Variants in RNASEH2B observed in about 807,000 individuals in gnomAD.
RNASEH2B encodes the protein ribonuclease H2 subunit B, also known as Aicardi-Goutieres syndrome 2 protein.
A neutral mutation model predicts 45.0 loss-of-function variants in RNASEH2B; 36 were observed. The ratio of observed to expected loss-of-function variants is 0.80; its 90% CI spans 0.61 to 1.06. The LOEUF (loss-of-function observed/expected upper bound fraction) is 1.06. Ranked by LOEUF, RNASEH2B falls within the 50% of genes least tolerant of loss-of-function variation. The pLI is 0.00. For synonymous variants in RNASEH2B, 119 were observed against 125.7 expected (o/e 0.95, Z 0.35); for missense variants, 361 against 360.3 (o/e 1.00, Z -0.02).
At chr13:50,951,060 G>A (rs1325664831) in intron 9 of RNASEH2B, 1 of 152,198 alleles carries the variant, frequency 6.6e-6, no homozygotes, top group Non-Finnish European at 1.5e-5. Context: ...ATTTATAAAA[G>A]CAGGCAGCCA....
chr13:50,919,212 G>C (rs1951485778), intron 1 of RNASEH2B, among the ~76,000 whole-genome samples: 1 of 152,206 alleles, frequency 6.6e-6, no homozygotes. Flanking sequence ...TGAAAAACCT[G>C]CTGATAAATA....
Position 50,956,694 on chromosome 13 carries a change from A to T in RNASEH2B, c.*220A>T. On this transcript the variant is annotated 3_prime_UTR_variant, in exon 11 of 11. Transcript: ENST00000336617. ...TTTGGAGTCTCATCTGACATAATGAAAAGTAATCACTTGAAGAGAATTAAC... is the reference window on the plus strand; with the variant it reads ...TTTGGAGTCTCATCTGACATAATGATAAGTAATCACTTGAAGAGAATTAAC... The T allele has an allele frequency of 2.3e-6, 3 of 1,286,108 alleles. No individual in the cohort carries two copies. Among genetic ancestry groups the T allele is most frequent in the Non-Finnish European group, 3.0e-6 (3 of 1,006,806 alleles). The allele number at this position is 1,286,108 out of a possible 1,614,324, so 79.7% of individuals were successfully genotyped here.
exon 10 of RNASEH2B, chr13:50,969,935 G>A: frequency 1.3e-6 from 2 of 1,551,594 alleles, no homozygotes; most frequent in Non-Finnish European, 1.7e-6. Context: ...TCTCTAGATG[G>A]CAGCACAAAG....
chr13:50,935,154 C>A, intron 5 of RNASEH2B, 155 bp downstream of exon 5: 1 of 657,594 alleles, frequency 1.5e-6, no homozygotes, highest in Admixed American at 2.2e-5. Flanking sequence ...CACTGTTCCT[C>A]TATTGCTTTG....
chr13:50,956,233 G>T, intron 10 of RNASEH2B, 125 bp from the exon 11 acceptor site: 1 of 751,978 alleles, frequency 1.3e-6, no homozygotes. Flanking sequence ...CCCTTATGAA[G>T]CATGTTAGTG....
At chr13:50,917,001 C>T (rs1250828812) in intron 1 of RNASEH2B, among the ~76,000 whole-genome samples, 4 of 152,174 alleles carry the variant, frequency 2.6e-5, no homozygotes, top group Admixed American at 6.5e-5. Flanking sequence ...ACTGGTTTCA[C>T]GTGATTCCCA....
At chr13:50,913,920 C>T (rs1414582073) in intron 1 of RNASEH2B, among the ~76,000 whole-genome samples, 1 of 151,952 alleles carries the variant, frequency 6.6e-6, no homozygotes, top group Admixed American at 6.6e-5. Context: ...TGTATAAATT[C>T]ATGCATTAGA....
At chr13:50,910,311 G>A in intron 1 of RNASEH2B, 171 bp downstream of exon 1, 1 of 434,224 alleles carries the variant, frequency 2.3e-6, no homozygotes, top group East Asian at 3.7e-5. Context: ...ATAGCAAGCC[G>A]CGGTTTTCAA....
At chr13:50,962,080 A>C (rs1389560041) in intron 9 of RNASEH2B, among the ~76,000 whole-genome samples, 1 of 152,032 alleles carries the variant, frequency 6.6e-6, no homozygotes, top group Non-Finnish European at 1.5e-5. Flanking sequence ...TATTCTTTTT[A>C]TATGTAGTAT....
At chr13:50,910,497 T>A in intron 1 of RNASEH2B, 1 of 205,702 alleles carries the variant, frequency 4.9e-6, no homozygotes, top group Non-Finnish European at 9.7e-6. Flanking sequence ...CAGCTGGCCC[T>A]GCTTCTGTGA....
chr13:50,913,488 GA>G lies in RNASEH2B; in HGVS notation c.64+3361del, dbSNP rs1189042697. ...TTGGGAAACCCTAACATTGTGTATT[GA>G]AAAAAAAAAAAAGAAGAAAAATCAT... On this transcript the variant is annotated intron_variant, in intron 1 of 10. Transcript: ENST00000336617. Among the ~76,000 whole-genome samples, 813 of 134,800 alleles carry G rather than the reference GA, an allele frequency of 6.0e-3. 6 individuals carry two copies. The highest frequency in any genetic ancestry group is 0.018 in the African/African-American group (632 of 35,964). 88.4% of individuals were successfully genotyped at this position (134,800 alleles called of 152,430 possible).
chr13:50,965,532 T>C (rs1952156952), intron 9 of RNASEH2B, among the ~76,000 whole-genome samples: 1 of 152,200 alleles, frequency 6.6e-6, no homozygotes, highest in African/African-American at 2.4e-5. Context: ...CATCAATCCA[T>C]CCTGGACACC....
intron 9 of RNASEH2B, among the ~76,000 whole-genome samples, chr13:50,966,204 CAT>C (rs1952163350): frequency 6.6e-6 from 1 of 152,164 alleles, no homozygotes; most frequent in Non-Finnish European, 1.5e-5. Context: ...CATAAACACA[CAT>C]ATATACACAT....
intron 1 of RNASEH2B, among the ~76,000 whole-genome samples, chr13:50,920,829 T>C (rs577474553): frequency 1.8e-4 from 27 of 152,344 alleles, no homozygotes; most frequent in African/African-American, 5.8e-4. Context: ...ATGTTATGTT[T>C]ATTGAGTATA....
At chr13:50,945,691 C>G (rs375189960) in intron 7 of RNASEH2B, among the ~76,000 whole-genome samples, 159 bp downstream of exon 7, 4 of 152,112 alleles carry the variant, frequency 2.6e-5, no homozygotes, top group Admixed American at 1.3e-4. Flanking sequence ...ATTTCAGAAG[C>G]GAAGAATATT....
At chr13:50,970,116 G>A in exon 10 of RNASEH2B, 1 of 748,312 alleles carries the variant, frequency 1.3e-6, no homozygotes, top group Non-Finnish European at 2.3e-6. Context: ...TTATTTCTTT[G>A]ATTAGTACCA....
At chr13:50,946,181 T>C (rs1951898924) in intron 7 of RNASEH2B, among the ~76,000 whole-genome samples, 1 of 152,226 alleles carries the variant, frequency 6.6e-6, no homozygotes, top group Non-Finnish European at 1.5e-5. Flanking sequence ...CTTTTCCAAG[T>C]AGAGTCCTCT....
chr13:50,961,893 A>T (rs1952114951), intron 9 of RNASEH2B, among the ~76,000 whole-genome samples: 1 of 152,098 alleles, frequency 6.6e-6, no homozygotes, highest in Admixed American at 6.6e-5. Flanking sequence ...AGTTTTTATC[A>T]TATATAGGTA....
At chr13:50,954,161 C>T in intron 10 of RNASEH2B, 176 bp downstream of exon 10, 3 of 656,028 alleles carry the variant, frequency 4.6e-6, no homozygotes, top group Non-Finnish European at 8.2e-6. Context: ...AAATGTTAAG[C>T]AACTAAGACT....
Sources: gnomAD v4.1 joint callset for allele counts (sites outside exome capture counted in the v4.1 genomes callset) on GRCh38, gnomAD v4.1.1 for gene constraint, MANE v1.5 for transcripts, NCBI Gene and HGNC (gene_info 2026-07-23, HGNC 2026-07-21) for gene names.